The following TRPC7 variants were observed in gnomAD, a reference collection of about 807,000 sequenced individuals.
TRPC7 encodes short transient receptor potential channel 7.
In TRPC7, 42 loss-of-function variants were observed where a neutral mutation model predicts 90.1. That is an observed-to-expected ratio of 0.47 (90% CI 0.36 to 0.60). The LOEUF (loss-of-function observed/expected upper bound fraction) is 0.60. Ranked by LOEUF, TRPC7 falls within the 20% of genes least tolerant of loss-of-function variation. The pLI is 0.00. For synonymous variants in TRPC7, 451 were observed against 436.3 expected (o/e 1.03, Z -0.42); for missense variants, 955 against 1,112.3 (o/e 0.86, Z 2.01).
At chr5:136,316,252 G>A (rs10070699) in intron 2 of TRPC7, among the ~76,000 whole-genome samples, 104,421 of 152,016 alleles carry the variant, frequency 0.69, 36,168 homozygotes, top group African/African-American at 0.77. Flanking sequence ...TGAACTTTTA[G>A]GGCTGATGTA....
At chr5:136,216,162 T>C in intron 11 of TRPC7, 38 bp downstream of exon 11, 1 of 1,562,960 alleles carries the variant, frequency 6.4e-7, no homozygotes, top group South Asian at 1.2e-5. Flanking sequence ...ACCTGTGTTG[T>C]TTTAAATCAC....
At chr5:136,238,182 A>C (rs1756049179) in intron 7 of TRPC7, among the ~76,000 whole-genome samples, 1 of 152,182 alleles carries the variant, frequency 6.6e-6, no homozygotes, top group Admixed American at 6.5e-5. Flanking sequence ...TGTCTGAAGG[A>C]GGCCCTCTCT....
At chr5:136,343,631 T>G (rs1759913077) in intron 2 of TRPC7, among the ~76,000 whole-genome samples, 1 of 152,206 alleles carries the variant, frequency 6.6e-6, no homozygotes. Context: ...TTCCTGGGTC[T>G]TAAGGTCTTC....
intron 2 of TRPC7, among the ~76,000 whole-genome samples, chr5:136,322,986 T>G (rs2112673): frequency 6.6e-6 from 1 of 152,074 alleles, no homozygotes; most frequent in East Asian, 1.9e-4. Flanking sequence ...TGATGAAGTC[T>G]GATATGGTTT....
At position 136,251,694 on chromosome 5, in the gene TRPC7, G is replaced by A. The variant is rs775071978; in HGVS notation, c.1534C>T (p.Leu512=). Residue 512 remains leucine, a synonymous_variant, in exon 6 of 12, where the codon CTG becomes TTG. Coordinates refer to ENST00000513104, the MANE Select transcript of TRPC7 (RefSeq NM_020389.3). The stretch of plus-strand genomic sequence containing the variant: ...TCCGGCGGAAGCGAGACATTGTGCA[G>A]CGTGTCGTCCTGCACGTGCTGGTCC... The part of the protein sequence containing the change: ...YVDQHVQDDT[L]HNVSLPPEVA... 7 of 1,613,118 alleles carry A rather than the reference G, an allele frequency of 4.3e-6. No homozygotes were observed. Among genetic ancestry groups the A allele is most frequent in the Non-Finnish European group, 5.9e-6 (7 of 1,179,216 alleles).
intron 11 of TRPC7, 61 bp downstream of exon 11, chr5:136,216,139 T>G: frequency 7.8e-6 from 11 of 1,410,718 alleles, no homozygotes; most frequent in South Asian, 1.2e-5. Context: ...CGTAGCCCAG[T>G]GAGACCCACA....
chr5:136,301,926 G>A (rs1300951073), intron 3 of TRPC7, among the ~76,000 whole-genome samples: 2 of 152,104 alleles, frequency 1.3e-5, no homozygotes, highest in Admixed American at 6.5e-5. Context: ...ATCCACCTAC[G>A]ACCTCAGGTC....
chr5:136,266,385 A>G lies in TRPC7; in HGVS notation c.1180T>C (p.Ser394Pro). ...AATAATCCCAAGAAGATTGTAAAAGAAACTGCATGAGCTACAAACTTCATG... is the reference window on the plus strand; with the variant it reads ...AATAATCCCAAGAAGATTGTAAAAGGAACTGCATGAGCTACAAACTTCATG... ...PFMKFVAHAV[S>P]FTIFLGLLVV... The change falls in exon 5 of 12, where the codon TCT becomes CCT. Residue 394 changes from serine (S) to proline (P), a missense_variant. Physicochemically the swap from Ser to Pro is moderately conservative, Grantham distance 74 (BLOSUM62 -1). Transcript: ENST00000513104. 6.2e-7 allele frequency: 1 copy of G among 1,613,896 alleles called. No individual in the cohort carries two copies. The highest frequency in any genetic ancestry group is 8.5e-7 in the Non-Finnish European group (1 of 1,179,810).
At chr5:136,320,776 G>A (rs990696550) in intron 2 of TRPC7, among the ~76,000 whole-genome samples, 3 of 151,890 alleles carry the variant, frequency 2.0e-5, no homozygotes, top group Non-Finnish European at 4.4e-5. Flanking sequence ...CCCTTGCTTG[G>A]ACTCCTCTTT....
intron 3 of TRPC7, among the ~76,000 whole-genome samples, chr5:136,277,427 G>T (rs1580891638): frequency 6.6e-6 from 1 of 152,324 alleles, no homozygotes; most frequent in East Asian, 1.9e-4. Context: ...AGCCCAAATT[G>T]GTGTTTACCT....
intron 5 of TRPC7, among the ~76,000 whole-genome samples, chr5:136,253,156 T>C (rs547552772): frequency 6.6e-6 from 1 of 152,378 alleles, no homozygotes; most frequent in African/African-American, 2.4e-5. Flanking sequence ...TTGGATATGA[T>C]AGGTTAAGTA....
At chr5:136,315,296 T>C (rs1462061170) in intron 3 of TRPC7, among the ~76,000 whole-genome samples, 4 of 152,160 alleles carry the variant, frequency 2.6e-5, no homozygotes, top group Admixed American at 2.0e-4. Flanking sequence ...CGCGGTGACA[T>C]TGTCCCTGCC....
At position 136,239,762 on chromosome 5, in the gene TRPC7, C is replaced by A. The variant is rs536189877; in HGVS notation, c.1844+7709G>T. Among the ~76,000 whole-genome samples, 11 of 152,378 alleles carry A rather than the reference C, an allele frequency of 7.2e-5. No individual in the cohort carries two copies. In the East Asian group the frequency reaches 2.1e-3, roughly 29 times the overall value. ...CCCAGGCGATCTATCTAGCTCAGCT[C>A]CTTTTGTAGCTGCCTTTCTTTCACA... On this transcript the variant is annotated intron_variant, in intron 7 of 11. Transcript: ENST00000513104.
rs370211277 is a variant in TRPC7, at chr5:136,216,263, G to A, written c.2356C>T (p.Arg786Trp). Residue 786 changes from arginine to tryptophan, a missense_variant, in exon 11 of 12, where the codon CGG (arginine) becomes TGG (tryptophan). Arg to Trp is a moderately radical substitution (Grantham distance 101, BLOSUM62 -3). Transcript: ENST00000513104. Reference sequence around the variant, plus strand: ...TTCAGGACGTATCTTTTTATGAGCCGTTTCATGATTTTCTGAAATGCCAAG... The same window carrying A: ...TTCAGGACGTATCTTTTTATGAGCCATTTCATGATTTTCTGAAATGCCAAG... ...KPTRYQKIMK[R>W]LIKRYVLKAQ... 1.1e-5 allele frequency: 17 copies of A among 1,612,532 alleles called. No homozygotes were observed. The highest frequency in any genetic ancestry group is 3.3e-5 in the South Asian group (3 of 90,664).
At chr5:136,228,148 T>G (rs1755690908) in intron 8 of TRPC7, among the ~76,000 whole-genome samples, 1 of 152,142 alleles carries the variant, frequency 6.6e-6, no homozygotes, top group Non-Finnish European at 1.5e-5. Flanking sequence ...AGTTAGTTAG[T>G]CTTTTACTTA....
chr5:136,255,310 C>T (rs1307804507), intron 5 of TRPC7, among the ~76,000 whole-genome samples: 3 of 152,178 alleles, frequency 2.0e-5, no homozygotes, highest in African/African-American at 7.2e-5. Context: ...ATGCAGTAAA[C>T]TTTATTGTCT....
chr5:136,365,204 C>T, intron 1 of TRPC7, 49 bp downstream of exon 1: 2 of 1,519,636 alleles, frequency 1.3e-6, no homozygotes, highest in Admixed American at 2.1e-5. Context: ...AGAACACAAC[C>T]TCTACTGGAA....
chr5:136,340,246 T>A (rs1759802989), intron 2 of TRPC7, among the ~76,000 whole-genome samples: 1 of 152,148 alleles, frequency 6.6e-6, no homozygotes, highest in African/African-American at 2.4e-5. Context: ...ATTTTATTTA[T>A]ATGGGATCTA....
intron 5 of TRPC7, among the ~76,000 whole-genome samples, chr5:136,260,288 G>A (rs932200949): frequency 6.6e-6 from 1 of 152,182 alleles, no homozygotes; most frequent in Non-Finnish European, 1.5e-5. Context: ...ACAAAATAGA[G>A]CATATAGTAT....
Sources: allele counts gnomAD v4.1 joint callset (sites outside exome capture counted in the v4.1 genomes callset), GRCh38; gene constraint gnomAD v4.1.1; transcripts MANE v1.5; gene names NCBI Gene and HGNC (gene_info 2026-07-23, HGNC 2026-07-21).